Variants in PKD1L3 observed in about 807,000 individuals in gnomAD.
PKD1L3 encodes polycystin-1-like protein 3.
PKD1L3 carries 239 observed loss-of-function variants against 184.1 expected under a neutral mutation model. That is an observed-to-expected ratio of 1.30 (90% CI 1.17 to 1.45). The LOEUF (loss-of-function observed/expected upper bound fraction) is 1.45, where lower values mean the gene tolerates loss of function less well. Ranked by LOEUF, PKD1L3 falls within the 40% of genes most tolerant of loss-of-function variation. PKD1L3 has a pLI of 0.00. For synonymous variants in PKD1L3, 996 were observed against 778.8 expected (o/e 1.28, Z -4.64); for missense variants, 2,660 against 2,067.2 (o/e 1.29, Z -5.56).
intron 15 of PKD1L3, among the ~76,000 whole-genome samples, chr16:71,966,801 G>A (rs560550657): frequency 6.6e-6 from 1 of 152,168 alleles, no homozygotes; most frequent in Non-Finnish European, 1.5e-5. Flanking sequence ...TAGTCTTTAA[G>A]GATATTTTTT....
At chr16:71,977,116 G>T in intron 11 of PKD1L3, 120 bp downstream of exon 11, 2 of 762,212 alleles carry the variant, frequency 2.6e-6, no homozygotes, top group Non-Finnish European at 4.4e-6. Flanking sequence ...AAGAGGCTAA[G>T]GCAGGAGGAT....
rs748174257 is a variant in PKD1L3, at chr16:71,942,896, C to A, written c.3988G>T (p.Asp1330Tyr). ...HQFSEIKLLQDFYPWANHILL... is the reference protein window; with the variant it reads ...HQFSEIKLLQYFYPWANHILL... ...ATATGATTGGCCCAGGGGTAGAAATCCTGAAGAAGTTTGATTTCCGAGAAC... is the reference window on the plus strand; with the variant it reads ...ATATGATTGGCCCAGGGGTAGAAATACTGAAGAAGTTTGATTTCCGAGAAC... The change falls in exon 24 of 30, where the codon GAT becomes TAT. Residue 1330 changes from aspartate (D) to tyrosine (Y), a missense_variant. Physicochemically the swap from Asp to Tyr is radical, Grantham distance 160. Transcript: ENST00000620267. 1 of 1,551,516 alleles carries A rather than the reference C, an allele frequency of 6.4e-7. No homozygotes were observed. Among genetic ancestry groups the A allele is most frequent in the South Asian group, 1.2e-5 (1 of 84,048 alleles).
At chr16:71,991,321 C>A in intron 3 of PKD1L3, 1 of 222,090 alleles carries the variant, frequency 4.5e-6, no homozygotes, top group South Asian at 8.8e-5. Flanking sequence ...GAAACCGAGT[C>A]AACCACACCC....
intron 11 of PKD1L3, among the ~76,000 whole-genome samples, chr16:71,973,776 C>T (rs1217389154): frequency 2.0e-5 from 3 of 151,922 alleles, no homozygotes; most frequent in Admixed American, 1.3e-4. Flanking sequence ...CTGATGCGGG[C>T]GGATCACTTG....
At chr16:71,995,836 G>T (rs1309681665) in intron 2 of PKD1L3, among the ~76,000 whole-genome samples, 2 of 152,182 alleles carry the variant, frequency 1.3e-5, no homozygotes, top group East Asian at 3.9e-4. Flanking sequence ...AATATATACA[G>T]ATTATATCTT....
chr16:71,992,239 T>A (rs2040615704), intron 3 of PKD1L3, among the ~76,000 whole-genome samples: 1 of 152,206 alleles, frequency 6.6e-6, no homozygotes, highest in African/African-American at 2.4e-5. Flanking sequence ...TTAGGTAAAT[T>A]GCCCCACAAT....
Position 71,979,685 on chromosome 16 carries a change from G to A in PKD1L3, c.1398+101C>T, listed in dbSNP as rs7403859. The A allele has an allele frequency of 8.1e-6, 11 of 1,352,146 alleles. No individual in the cohort carries two copies. The African/African-American group carries it at 1.6e-4, about 20-fold the overall frequency. 83.8% of individuals were successfully genotyped at this position (1,352,146 alleles called of 1,614,324 possible). On this transcript the variant is annotated intron_variant, in intron 9 of 29. Transcript: ENST00000620267. ...TACATAAACTCTCTCATCTGATCTG[G>A]TCTGTTCAGTTTACATTTCATGATA...
chr16:71,979,381 T>C (rs1374212297), intron 9 of PKD1L3, among the ~76,000 whole-genome samples: 1 of 152,010 alleles, frequency 6.6e-6, no homozygotes, highest in African/African-American at 2.4e-5. Context: ...GAGGCAGAGG[T>C]TGCAGTGAGC....
intron 3 of PKD1L3, among the ~76,000 whole-genome samples, chr16:71,991,573 AG>A: frequency 1.3e-5 from 2 of 152,348 alleles, no homozygotes; most frequent in Non-Finnish European, 2.9e-5. Context: ...AACAACAAAA[AG>A]GGTGATAAAT....
intron 28 of PKD1L3, chr16:71,931,045 A>T (rs778030431): frequency 6.6e-6 from 1 of 152,092 alleles, no homozygotes; most frequent in Admixed American, 6.5e-5. Context: ...TATTTCCAAT[A>T]AGTTTATTTT....
At chr16:71,959,699 AAATT>A (rs1304281602) in intron 16 of PKD1L3, among the ~76,000 whole-genome samples, 1 of 152,216 alleles carries the variant, frequency 6.6e-6, no homozygotes. Flanking sequence ...AGTGTGTTAA[AAATT>A]AAAAGTAACC....
At chr16:71,992,451 C>T (rs369740777) in intron 3 of PKD1L3, among the ~76,000 whole-genome samples, 6 of 152,292 alleles carry the variant, frequency 3.9e-5, no homozygotes, top group African/African-American at 9.6e-5. Flanking sequence ...CATTGCGGGA[C>T]ACAGCTTAAA....
At chr16:71,967,851 G>A in intron 14 of PKD1L3, 55 bp downstream of exon 14, 1 of 1,401,672 alleles carries the variant, frequency 7.1e-7, no homozygotes, top group Non-Finnish European at 9.8e-7. Context: ...AACTCAGAGT[G>A]TGTCTCATGT....
chr16:71,935,806 T>C (rs1331278679), intron 25 of PKD1L3, among the ~76,000 whole-genome samples: 5 of 152,226 alleles, frequency 3.3e-5, no homozygotes, highest in Non-Finnish European at 7.3e-5. Context: ...GTTTCTTTCT[T>C]TGAGACAGGG....
intron 5 of PKD1L3, among the ~76,000 whole-genome samples, chr16:71,984,634 A>G (rs979759905): frequency 6.6e-6 from 1 of 152,184 alleles, no homozygotes; most frequent in Non-Finnish European, 1.5e-5. Context: ...TAAGGCAGGC[A>G]GATCACTTGA....
chr16:71,945,900 T>C (rs2038585128), intron 22 of PKD1L3, among the ~76,000 whole-genome samples: 1 of 152,126 alleles, frequency 6.6e-6, no homozygotes, highest in Non-Finnish European at 1.5e-5. Context: ...AAGTCTCTTT[T>C]AGGCAGAGAA....
chr16:71,996,756 ATCAATAGTTTGTTTCTT>A (rs1445707627), intron 2 of PKD1L3, among the ~76,000 whole-genome samples: 1 of 152,116 alleles, frequency 6.6e-6, no homozygotes, highest in Non-Finnish European at 1.5e-5. Flanking sequence ...TGCTGTGTGT[ATCAATAGTTTGTTTCTT>A]TTTATTACTG....
chr16:71,984,948 G>C (rs140175192), intron 5 of PKD1L3, among the ~76,000 whole-genome samples: 9 of 152,254 alleles, frequency 5.9e-5, no homozygotes, highest in Non-Finnish European at 1.3e-4. Flanking sequence ...CTAAGAAACA[G>C]ACTGAGCAAA....
chr16:71,969,002 C>T (rs972743841), intron 13 of PKD1L3, among the ~76,000 whole-genome samples: 2 of 152,024 alleles, frequency 1.3e-5, no homozygotes, highest in African/African-American at 2.4e-5. Flanking sequence ...TCGATCTCAG[C>T]TCACCGCAAC....
Sources: gnomAD v4.1 joint callset for allele counts (sites outside exome capture counted in the v4.1 genomes callset) on GRCh38, gnomAD v4.1.1 for gene constraint, MANE v1.5 for transcripts, NCBI Gene and HGNC (gene_info 2026-07-23, HGNC 2026-07-21) for gene names.